The following PALM2AKAP2 variants were observed in gnomAD, a reference collection of about 807,000 sequenced individuals.
The protein encoded by PALM2AKAP2 is PALM2 and AKAP2 fusion, also known as PALM2-AKAP2 fusion protein.
PALM2AKAP2 carries 37 observed loss-of-function variants against 71.5 expected under a neutral mutation model. The ratio of observed to expected loss-of-function variants is 0.52; its 90% confidence interval spans 0.40 to 0.68. The LOEUF (loss-of-function observed/expected upper bound fraction) is 0.68. PALM2AKAP2 is among the 30% of genes least tolerant of loss of function. PALM2AKAP2 has a pLI of 0.00. For synonymous variants in PALM2AKAP2, 468 were observed against 478.8 expected (o/e 0.98, Z 0.29); for missense variants, 1,224 against 1,191.8 (o/e 1.03, Z -0.40).
chr9:109,854,639 G>C (rs1927317), intron 1 of PALM2AKAP2, among the ~76,000 whole-genome samples: 13,206 of 152,118 alleles, frequency 0.087, 778 homozygotes, highest in African/African-American at 0.17. Context: ...CATGTATGCA[G>C]AGGATAGATG....
chr9:110,015,588 A>G (rs763817661), intron 6 of PALM2AKAP2, among the ~76,000 whole-genome samples: 8 of 152,180 alleles, frequency 5.3e-5, no homozygotes, highest in Non-Finnish European at 1.2e-4. Context: ...CCTAGGCAAC[A>G]AGAGTGCAAC....
At chr9:110,168,205 CT>C (rs1350188316) in intron 3 of PALM2AKAP2, among the ~76,000 whole-genome samples, 193 bp from the exon 11 acceptor site, 2 of 152,216 alleles carry the variant, frequency 1.3e-5, no homozygotes, top group East Asian at 3.8e-4. Flanking sequence ...CAGATGAATA[CT>C]GGCTGTGAGA....
At chr9:109,797,423 T>C (rs1329778824) in intron 1 of PALM2AKAP2, among the ~76,000 whole-genome samples, 2 of 152,172 alleles carry the variant, frequency 1.3e-5, no homozygotes, top group Non-Finnish European at 2.9e-5. Flanking sequence ...ACTCTTGATA[T>C]CTCCCCTCCG....
chr9:109,849,273 T>C (rs1321495531), intron 1 of PALM2AKAP2, among the ~76,000 whole-genome samples: 3 of 152,198 alleles, frequency 2.0e-5, no homozygotes, highest in African/African-American at 7.2e-5. Flanking sequence ...GGACTCTGCA[T>C]TGGCATTCGT....
intron 1 of PALM2AKAP2, chr9:110,090,201 G>A (rs756474654): frequency 2.9e-5 from 10 of 348,568 alleles, no homozygotes; most frequent in Non-Finnish European, 5.2e-5. Context: ...TCCACCAGGT[G>A]TGTGCGGGCA....
chr9:110,152,465 C>T (rs903976021), intron 2 of PALM2AKAP2, among the ~76,000 whole-genome samples: 1 of 152,044 alleles, frequency 6.6e-6, no homozygotes, highest in African/African-American at 2.4e-5. Flanking sequence ...AAAAGAAGCA[C>T]CAAAGATAAC....
rs1171301013 is a variant in PALM2AKAP2, at chr9:110,163,020, T to G, written c.2749-5379T>G. On this transcript the variant is annotated intron_variant, in intron 3 of 3. Transcript: ENST00000374525. ...AGCCACTGTTCTCGGTCCCCAAAAG[T>G]CTTCTTTCCTTTTACACAGATTTCA... is the stretch of plus-strand genomic sequence containing the variant. Among the ~76,000 whole-genome samples the G allele has an allele frequency of 2.0e-5, 3 of 152,164 alleles. No individual in the cohort carries two copies. The East Asian group carries it at 5.8e-4, about 29-fold the overall frequency.
intron 6 of PALM2AKAP2, among the ~76,000 whole-genome samples, chr9:109,982,128 T>G (rs1832282682): frequency 6.6e-6 from 1 of 152,164 alleles, no homozygotes; most frequent in Non-Finnish European, 1.5e-5. Context: ...TAAAAAAGAA[T>G]GAGATTCTGT....
intron 1 of PALM2AKAP2, among the ~76,000 whole-genome samples, chr9:110,054,849 C>G (rs749182997): frequency 6.6e-6 from 1 of 152,226 alleles, no homozygotes; most frequent in Non-Finnish European, 1.5e-5. Context: ...TCCACAATTA[C>G]ATTCCCAAAG....
At chr9:110,088,719 T>G (rs991405395) in intron 1 of PALM2AKAP2, among the ~76,000 whole-genome samples, 9 of 134,466 alleles carry the variant, frequency 6.7e-5, no homozygotes, top group South Asian at 2.6e-4. Flanking sequence ...TTTTTTTTTT[T>G]TTTTTTTTTT....
intron 1 of PALM2AKAP2, chr9:109,640,928 C>G: frequency 6.8e-7 from 1 of 1,471,822 alleles, no homozygotes; most frequent in Non-Finnish European, 8.9e-7. Flanking sequence ...ATGGTGACCG[C>G]GGCGGCAGGC....
At chr9:110,162,883 A>T (rs1021555481) in intron 3 of PALM2AKAP2, among the ~76,000 whole-genome samples, 2 of 150,882 alleles carry the variant, frequency 1.3e-5, no homozygotes, top group African/African-American at 4.9e-5. Flanking sequence ...ATTTTTTTAT[A>T]TTTTTTTTGT....
At chr9:109,665,761 T>C (rs1564106084) in intron 1 of PALM2AKAP2, among the ~76,000 whole-genome samples, 1 of 152,232 alleles carries the variant, frequency 6.6e-6, no homozygotes, top group Non-Finnish European at 1.5e-5. Context: ...GCAGAAGTTG[T>C]CTGCTGCCTT....
At chr9:110,163,432 A>G (rs891734276) in intron 3 of PALM2AKAP2, among the ~76,000 whole-genome samples, 2 of 152,226 alleles carry the variant, frequency 1.3e-5, no homozygotes, top group African/African-American at 4.8e-5. Flanking sequence ...TATTTTTAAA[A>G]GAAATTAGTA....
chr9:110,142,067 AC>A (rs1165905082), intron 2 of PALM2AKAP2, among the ~76,000 whole-genome samples: 5 of 132,186 alleles, frequency 3.8e-5, no homozygotes, highest in African/African-American at 1.4e-4. Flanking sequence ...TTCTTATTTT[AC>A]TTTTTTTTTT....
intron 1 of PALM2AKAP2, among the ~76,000 whole-genome samples, chr9:109,812,356 C>G (rs1827747294): frequency 6.6e-6 from 1 of 152,094 alleles, no homozygotes; most frequent in Non-Finnish European, 1.5e-5. Context: ...ATTGGAGAGG[C>G]AGCAGAAGTA....
At chr9:109,744,167 T>A (rs956075620) in intron 1 of PALM2AKAP2, among the ~76,000 whole-genome samples, 8 of 152,056 alleles carry the variant, frequency 5.3e-5, no homozygotes, top group African/African-American at 1.9e-4. Flanking sequence ...AAACTGGAAA[T>A]CTCTCTCAGA....
At chr9:109,990,649 G>A (rs1374893764) in intron 6 of PALM2AKAP2, among the ~76,000 whole-genome samples, 1 of 152,188 alleles carries the variant, frequency 6.6e-6, no homozygotes, top group Non-Finnish European at 1.5e-5. Context: ...AAGTAAAAGT[G>A]AAGCCATCTG....
chr9:110,004,881 A>C (rs1340041374), intron 6 of PALM2AKAP2, among the ~76,000 whole-genome samples: 3 of 152,194 alleles, frequency 2.0e-5, no homozygotes, highest in Non-Finnish European at 2.9e-5. Flanking sequence ...CAGCTCCATC[A>C]GGTCCTTTAA....
Sources: gnomAD v4.1 joint callset for allele counts (sites outside exome capture counted in the v4.1 genomes callset) on GRCh38, gnomAD v4.1.1 for gene constraint, MANE v1.5 for transcripts, NCBI Gene and HGNC (gene_info 2026-07-23, HGNC 2026-07-21) for gene names.